Variants in NUDT3 observed in about 807,000 individuals in gnomAD.
The protein encoded by NUDT3 is diphosphoinositol polyphosphate phosphohydrolase 1.
A neutral mutation model predicts 23.6 loss-of-function variants in NUDT3; 9 were observed. That is an observed-to-expected ratio of 0.38 (90% confidence interval 0.23 to 0.66). The LOEUF (loss-of-function observed/expected upper bound fraction) is 0.66, where lower values mean the gene tolerates loss of function less well. Among genes scored for constraint, NUDT3 ranks in the 30% least tolerant of loss-of-function variants. The pLI is 0.52. For missense variants in NUDT3, 172 were observed against 218.5 expected, an observed-to-expected ratio of 0.79 and a Z score of 1.34; for synonymous variants, 86 against 82.6, an observed-to-expected ratio of 1.04 and a Z score of -0.22.
intron 1 of NUDT3, among the ~76,000 whole-genome samples, chr6:34,390,743 A>C (rs1038230557): frequency 2.0e-5 from 3 of 152,164 alleles, no homozygotes; most frequent in African/African-American, 7.2e-5. Flanking sequence ...AGATTTATGC[A>C]TACTAGTGTA....
Position 34,318,776 on chromosome 6 carries a change from T to A in NUDT3, c.210+23086A>T, listed in dbSNP as rs978430531. On this transcript the variant is annotated intron_variant, in intron 2 of 4. Transcript: ENST00000607016. ...TGAAGTCTCGCTATGTTGCCTAGGC[T>A]GGCCTCAAACTCCTGGACTCAAATG... Among the ~76,000 whole-genome samples, 5 of 152,144 alleles carry A rather than the reference T, an allele frequency of 3.3e-5. No individual in the cohort carries two copies. In the East Asian group the frequency reaches 9.6e-4, roughly 29 times the overall value.
At chr6:34,295,543 A>C in intron 3 of NUDT3, 98 bp downstream of exon 3, 1 of 1,447,818 alleles carries the variant, frequency 6.9e-7, no homozygotes, top group African/African-American at 1.4e-5. Flanking sequence ...AACTAAAAAA[A>C]AAAAAACTCG....
At chr6:34,316,601 G>T (rs1203974377) in intron 2 of NUDT3, among the ~76,000 whole-genome samples, 1 of 152,096 alleles carries the variant, frequency 6.6e-6, no homozygotes, top group Non-Finnish European at 1.5e-5. Flanking sequence ...ACCAATAAAA[G>T]GCACTTAAAA....
intron 1 of NUDT3, among the ~76,000 whole-genome samples, chr6:34,377,738 C>A (rs577124934): frequency 2.1e-4 from 32 of 150,844 alleles, no homozygotes; most frequent in African/African-American, 7.8e-4. Context: ...GAGGCTGAGG[C>A]ATGAGAATCG....
chr6:34,302,883 T>C (rs1423701402), intron 2 of NUDT3, among the ~76,000 whole-genome samples: 1 of 152,270 alleles, frequency 6.6e-6, no homozygotes, highest in Non-Finnish European at 1.5e-5. Context: ...GACTCCAGAA[T>C]AGAGCCACAG....
intron 1 of NUDT3, among the ~76,000 whole-genome samples, chr6:34,354,749 A>ATATATATATATTTATTTATT (rs570166534): frequency 6.9e-6 from 1 of 144,540 alleles, no homozygotes; most frequent in African/African-American, 2.5e-5. Context: ...ATATATATAT[A>ATATATATATATTTATTTATT]TATTTATTTA....
chr6:34,299,678 G>A (rs975547680), intron 2 of NUDT3, among the ~76,000 whole-genome samples: 13 of 151,130 alleles, frequency 8.6e-5, no homozygotes, highest in Non-Finnish European at 1.5e-4. Flanking sequence ...GACTGAGGCA[G>A]GTGGATCACC....
At chr6:34,347,669 T>C (rs987306037) in intron 1 of NUDT3, among the ~76,000 whole-genome samples, 3 of 152,168 alleles carry the variant, frequency 2.0e-5, no homozygotes, top group Non-Finnish European at 2.9e-5. Flanking sequence ...TTCTTACAAA[T>C]TGTTGTGGGG....
chr6:34,319,683 C>T (rs1439558347), intron 2 of NUDT3, among the ~76,000 whole-genome samples: 1 of 152,154 alleles, frequency 6.6e-6, no homozygotes, highest in Non-Finnish European at 1.5e-5. Flanking sequence ...TAATACTAAT[C>T]GACTGAGTAG....
chr6:34,372,913 C>T (rs1430691670), intron 1 of NUDT3, among the ~76,000 whole-genome samples: 1 of 149,620 alleles, frequency 6.7e-6, no homozygotes, highest in Non-Finnish European at 1.5e-5. Flanking sequence ...TTGTCATCTA[C>T]CCCCCATCTC....
At chr6:34,387,385 C>T (rs776316066) in intron 1 of NUDT3, among the ~76,000 whole-genome samples, 5 of 152,042 alleles carry the variant, frequency 3.3e-5, no homozygotes, top group Non-Finnish European at 5.9e-5. Flanking sequence ...ATGATCCTGA[C>T]CCTGTGTAGG....
In NUDT3 at chr6:34,305,275, C is replaced by T. The variant is rs184400931; in HGVS notation, c.211-9590G>A. On this transcript the variant is annotated intron_variant, in intron 2 of 4. Transcript: ENST00000607016. The stretch of plus-strand genomic sequence containing the variant: ...GGGATTATAGGCGTGTGAGCCACCA[C>T]GCCCAGCCTGAATTATTTTAAAAGT... Among the ~76,000 whole-genome samples the T allele has an allele frequency of 1.1e-4, 16 of 152,268 alleles. No individual in the cohort carries two copies. The East Asian group carries it at 2.3e-3, about 22-fold the overall frequency.
intron 1 of NUDT3, among the ~76,000 whole-genome samples, chr6:34,358,698 G>A (rs1192726297): frequency 2.0e-5 from 3 of 152,090 alleles, no homozygotes; most frequent in East Asian, 1.9e-4. Context: ...TGAAACCCAC[G>A]CCTCACAGGG....
chr6:34,296,495 G>C (rs1763501025), intron 2 of NUDT3, among the ~76,000 whole-genome samples: 1 of 151,700 alleles, frequency 6.6e-6, no homozygotes, highest in African/African-American at 2.4e-5. Flanking sequence ...GGTTGTTTGG[G>C]TCCAGGAGGT....
At chr6:34,363,748 C>A (rs1417609800) in intron 1 of NUDT3, among the ~76,000 whole-genome samples, 1 of 152,010 alleles carries the variant, frequency 6.6e-6, no homozygotes, top group Non-Finnish European at 1.5e-5. Context: ...TAATCATAAT[C>A]AGTGCCCAGC....
At chr6:34,340,153 T>C (rs1469479825) in intron 2 of NUDT3, among the ~76,000 whole-genome samples, 3 of 152,182 alleles carry the variant, frequency 2.0e-5, no homozygotes, top group African/African-American at 7.2e-5. Flanking sequence ...GATAACCATC[T>C]TGTCACTACA....
At chr6:34,334,833 T>C (rs573280498) in intron 2 of NUDT3, among the ~76,000 whole-genome samples, 1 of 150,164 alleles carries the variant, frequency 6.7e-6, no homozygotes, top group East Asian at 2.0e-4. Context: ...CTCAGGGGGC[T>C]GAGGAAGGAA....
At chr6:34,302,126 G>A (rs760301410) in intron 2 of NUDT3, among the ~76,000 whole-genome samples, 17 of 151,872 alleles carry the variant, frequency 1.1e-4, no homozygotes, top group Non-Finnish European at 1.8e-4. Context: ...TGACCTCCCA[G>A]GCTCAAGCGA....
intron 2 of NUDT3, among the ~76,000 whole-genome samples, chr6:34,333,854 A>C (rs997375787): frequency 2.0e-5 from 3 of 152,244 alleles, no homozygotes; most frequent in Admixed American, 2.0e-4. Flanking sequence ...GGGGCATACT[A>C]CATGAAGTTG....
Sources: gnomAD v4.1 joint callset for allele counts (sites outside exome capture counted in the v4.1 genomes callset) on GRCh38, gnomAD v4.1.1 for gene constraint, MANE v1.5 for transcripts, NCBI Gene and HGNC (gene_info 2026-07-23, HGNC 2026-07-21) for gene names.